Variants in ACTR3C observed in about 807,000 individuals in gnomAD.
The protein encoded by ACTR3C is actin related protein 3C, also known as actin-related protein 3C.
ACTR3C carries 18 observed loss-of-function variants against 26.3 expected under a neutral mutation model. The ratio of observed to expected loss-of-function variants is 0.68; its 90% confidence interval spans 0.47 to 1.01. ACTR3C has a LOEUF of 1.01. Ranked by LOEUF, ACTR3C falls within the 50% of genes least tolerant of loss-of-function variation. ACTR3C has a pLI of 0.00. For synonymous variants in ACTR3C, 55 were observed against 94.5 expected, an observed-to-expected ratio of 0.58 and a Z score of 2.42; for missense variants, 184 against 250.7, an observed-to-expected ratio of 0.73 and a Z score of 1.80.
At chr7:150,139,205 C>T in the ACTR3C span, among the ~76,000 whole-genome samples, 1 of 152,266 alleles carries the variant, frequency 6.6e-6, no homozygotes, top group African/African-American at 2.4e-5. Flanking sequence ...AGTCTGGGGA[C>T]TGCTGCTGTA....
chr7:149,915,168 G>A, the ACTR3C span, among the ~76,000 whole-genome samples: 4 of 152,228 alleles, frequency 2.6e-5, no homozygotes, highest in Admixed American at 6.5e-5. Flanking sequence ...GAGCCACCGC[G>A]CATGGCAAAT....
the ACTR3C span, among the ~76,000 whole-genome samples, chr7:149,942,488 G>T: frequency 6.6e-6 from 1 of 152,172 alleles, no homozygotes; most frequent in Non-Finnish European, 1.5e-5. Context: ...TCTGATGTGG[G>T]AAAGGTGGGA....
chr7:150,138,818 C>T, the ACTR3C span, among the ~76,000 whole-genome samples: 8 of 152,302 alleles, frequency 5.3e-5, no homozygotes, highest in Admixed American at 5.2e-4. Context: ...GCATTACTGC[C>T]TGAGCTCTGC....
chr7:150,130,678 G>A, the ACTR3C span, among the ~76,000 whole-genome samples: 2 of 152,190 alleles, frequency 1.3e-5, no homozygotes, highest in Non-Finnish European at 2.9e-5. Flanking sequence ...AATTGCCTAT[G>A]CATGAGTGTT....
chr7:150,116,062 A>T, the ACTR3C span, among the ~76,000 whole-genome samples: 11 of 152,336 alleles, frequency 7.2e-5, no homozygotes, highest in South Asian at 4.1e-4. Flanking sequence ...AAGTTTCAAA[A>T]GAGTTTGAAT....
the ACTR3C span, among the ~76,000 whole-genome samples, chr7:149,887,153 G>C: frequency 6.6e-6 from 1 of 151,830 alleles, no homozygotes; most frequent in East Asian, 1.9e-4. Flanking sequence ...CTCAGGGGAA[G>C]AAAGAAAAAA....
At chr7:150,034,114 G>C in the ACTR3C span, among the ~76,000 whole-genome samples, 120 of 151,656 alleles carry the variant, frequency 7.9e-4, no homozygotes, top group African/African-American at 2.6e-3. Context: ...AACAACCGGG[G>C]GGAAGAGGGG....
the ACTR3C span, among the ~76,000 whole-genome samples, chr7:150,144,006 A>T: frequency 6.6e-6 from 1 of 152,142 alleles, no homozygotes; most frequent in Admixed American, 6.5e-5. The surrounding 1 kb of genome is among the most constrained non-coding windows in gnomAD (Gnocchi z 4.6). Context: ...CAAAGCCAAG[A>T]CTGGAGAGCT....
chr7:149,944,925 A>C, the ACTR3C span, among the ~76,000 whole-genome samples: 2 of 151,914 alleles, frequency 1.3e-5, no homozygotes. Context: ...GCAGGAAAGA[A>C]AGGCCGTGCC....
the ACTR3C span, among the ~76,000 whole-genome samples, chr7:150,222,869 A>G: frequency 2.0e-5 from 3 of 152,236 alleles, no homozygotes. Context: ...TTTTTCTTCC[A>G]TGGCACGAAT....
chr7:150,280,624 A>C (rs533850325), intron 6 of ACTR3C, among the ~76,000 whole-genome samples: 1 of 152,212 alleles, frequency 6.6e-6, no homozygotes, highest in East Asian at 1.9e-4. Flanking sequence ...GGTGTAGTGG[A>C]AATCTGCTGA....
intron 6 of ACTR3C, among the ~76,000 whole-genome samples, chr7:150,256,143 C>T (rs565497325): frequency 1.2e-4 from 18 of 152,294 alleles, no homozygotes; most frequent in South Asian, 2.1e-4. Flanking sequence ...ATGGAGTGTA[C>T]GTACCACATT....
At chr7:150,323,316 C>T (rs921788005) in intron 1 of ACTR3C, 153 bp downstream of exon 1, 20 of 266,098 alleles carry the variant, frequency 7.5e-5, no homozygotes, top group Admixed American at 2.4e-4. Context: ...CCAGAGCGCC[C>T]ACTACGGCCT....
At chr7:149,987,802 T>C in the ACTR3C span, among the ~76,000 whole-genome samples, 146,694 of 151,686 alleles carry the variant, frequency 0.97, 71,082 homozygotes, top group East Asian at 1. Context: ...AGACCACAAG[T>C]TCTAGACGTT....
the ACTR3C span, among the ~76,000 whole-genome samples, chr7:150,207,836 T>C: frequency 1.3e-5 from 2 of 151,502 alleles, no homozygotes; most frequent in African/African-American, 4.9e-5. Flanking sequence ...ATTTAACTTA[T>C]TCAATATATT....
chr7:150,042,332 T>C, the ACTR3C span, among the ~76,000 whole-genome samples: 45 of 70,468 alleles, frequency 6.4e-4, no homozygotes, highest in East Asian at 1.5e-3. Flanking sequence ...TCTCAGTCCC[T>C]GCCTCGCGGG....
chr7:150,029,413 AAAAAC>A, the ACTR3C span, among the ~76,000 whole-genome samples: 182 of 92,236 alleles, frequency 2.0e-3, no homozygotes, highest in African/African-American at 0.013. Context: ...CAAAAAAAAA[AAAAAC>A]AAACAAAAAA....
At position 150,276,139 on chromosome 7, in the gene ACTR3C, T is replaced by A. The variant is rs138064768; in HGVS notation, c.564+8614A>T. Among the ~76,000 whole-genome samples the A allele has an allele frequency of 8.5e-3, 1,291 of 152,234 alleles. 18 individuals carry two copies. The highest frequency in any genetic ancestry group is 0.03 in the African/African-American group (1,228 of 41,484). ...AAACGCCACACGTAACCCATTCATC[T>A]CCTGAAATTTATGTCAGAAAGATTG... On this transcript the variant is annotated intron_variant, in intron 6 of 7. Coordinates refer to ENST00000683684, the MANE Select transcript of ACTR3C (RefSeq NM_001164458.2).
the ACTR3C span, among the ~76,000 whole-genome samples, chr7:149,961,522 AAG>A: frequency 6.6e-6 from 1 of 151,366 alleles, no homozygotes; most frequent in Non-Finnish European, 1.5e-5. Flanking sequence ...CACAGATAGG[AAG>A]TGTGGCCTCA....
Sources: gnomAD v4.1 joint callset for allele counts (sites outside exome capture counted in the v4.1 genomes callset) on GRCh38, gnomAD v4.1.1 for gene constraint, Gnocchi (gnomAD v3.1) non-coding constraint, MANE v1.5 for transcripts, NCBI Gene and HGNC (gene_info 2026-07-23, HGNC 2026-07-21) for gene names.